The following SLC19A1 variants were observed in gnomAD, a reference collection of about 807,000 sequenced individuals.
SLC19A1 encodes the protein reduced folate transporter.
Under a neutral mutation model 35.3 loss-of-function variants are expected in SLC19A1, and 37 were observed. The observed-to-expected ratio is 1.05, with a 90% CI of 0.81 to 1.38. SLC19A1 has a LOEUF of 1.38. Among genes scored for constraint, SLC19A1 ranks in the 40% most tolerant of loss-of-function variants. SLC19A1 has a pLI of 0.00. For missense variants in SLC19A1, 831 were observed against 826.9 expected, an observed-to-expected ratio of 1.00 and a Z score of -0.06; for synonymous variants, 460 against 398.5, an observed-to-expected ratio of 1.15 and a Z score of -1.84.
At chr21:45,506,227 G>T (rs2037194190) in intron 3 of SLC19A1, 1 of 509,724 alleles carries the variant, frequency 2.0e-6, no homozygotes, top group Non-Finnish European at 3.6e-6. Context: ...ATGTCACAGT[G>T]AACGTTTACA....
chr21:45,516,267 C>A, intron 5 of SLC19A1, 127 bp from the exon 6 acceptor site: 8 of 704,092 alleles, frequency 1.1e-5, no homozygotes, highest in East Asian at 2.8e-5. Flanking sequence ...CACTGCACAG[C>A]GGTCAGAGGC....
intron 2 of SLC19A1, among the ~76,000 whole-genome samples, chr21:45,535,603 C>T (rs2078084473): frequency 6.6e-6 from 1 of 152,206 alleles, no homozygotes; most frequent in South Asian, 2.1e-4. Flanking sequence ...CCGTGGCAGG[C>T]TGCAGAGGAA....
chr21:45,556,041 C>G (rs961304827), intron 1 of SLC19A1, among the ~76,000 whole-genome samples: 6 of 152,182 alleles, frequency 3.9e-5, no homozygotes, highest in South Asian at 2.1e-4. Flanking sequence ...TCGGAGGTCA[C>G]AGGTCAAAGC....
Position 45,554,669 on chromosome 21 carries a change from T to C in SLC19A1, c.-50+8073A>G, listed in dbSNP as rs182897298. 5.5e-3 allele frequency among the ~76,000 whole-genome samples: 820 copies of C among 148,714 alleles called. 11 individuals are homozygous for C. The highest frequency in any genetic ancestry group is 0.019 in the African/African-American group (768 of 40,098). ...TTCCTTTCAGGCCGGCGATCCTTCC[T>C]GTGTGCGTCTCCACATTTTGATTTT... On this transcript the variant is annotated intron_variant, in intron 1 of 5. Transcript: ENST00000650808.
At chr21:45,558,805 T>C (rs1030759247) in intron 1 of SLC19A1, among the ~76,000 whole-genome samples, 1 of 74,568 alleles carries the variant, frequency 1.3e-5, no homozygotes, top group Non-Finnish European at 2.6e-5. Context: ...ATTTTCTTTT[T>C]CTTTTTTCTT....
chr21:45,510,575 G>A (rs2037522104), downstream of SLC19A1, among the ~76,000 whole-genome samples: 2 of 151,860 alleles, frequency 1.3e-5, no homozygotes, highest in African/African-American at 4.8e-5. Context: ...TGTCCACACA[G>A]GTGATAGGGC....
At chr21:45,506,008 C>T (rs569173102) in intron 3 of SLC19A1, 35 of 1,612,180 alleles carry the variant, frequency 2.2e-5, no homozygotes, top group East Asian at 4.5e-5. Context: ...GTGGAAGGGC[C>T]GAAGCCGCCT....
rs1290871804 is a variant in SLC19A1 at position 45,513,399 on chromosome 21, T to C, written c.*2259A>G. The C allele has an allele frequency of 6.6e-6, 1 of 152,224 alleles. No individual in the cohort carries two copies. The highest frequency in any genetic ancestry group is 1.9e-4 in the East Asian group (1 of 5,182). The allele number at this position is 152,224 out of a possible 1,614,324, so 9.4% of individuals were successfully genotyped here. On this transcript the variant is annotated 3_prime_UTR_variant, in exon 6 of 6. Coordinates refer to ENST00000311124, the MANE Select transcript of SLC19A1 (RefSeq NM_194255.4). ...TGCAGGGCAGTCATTGGCTGTCTCC[T>C]AGGAAACCCATATCCTTACCCTCCT...
chr21:45,511,082 C>CAA (rs757347047), downstream of SLC19A1: 56 of 1,091,478 alleles, frequency 5.1e-5, no homozygotes, highest in Non-Finnish European at 6.8e-5. Flanking sequence ...CCACACACCA[C>CAA]ACACACATAC....
chr21:45,509,744 C>T (rs1254218018), downstream of SLC19A1: 125 of 705,388 alleles, frequency 1.8e-4, 1 homozygote, highest in South Asian at 1.2e-3. Flanking sequence ...CCACTCAGGG[C>T]GGCTTGGCTG....
intron 1 of SLC19A1, among the ~76,000 whole-genome samples, chr21:45,561,591 T>A (rs376961791): frequency 7.9e-5 from 12 of 151,950 alleles, no homozygotes; most frequent in African/African-American, 2.9e-4. Flanking sequence ...TGAAACCCTG[T>A]CTCTACTAAA....
At chr21:45,506,009 G>C in intron 3 of SLC19A1, 2 of 1,612,246 alleles carry the variant, frequency 1.2e-6, no homozygotes, top group South Asian at 2.2e-5. Context: ...TGGAAGGGCC[G>C]AAGCCGCCTC....
At chr21:45,532,717 C>T (rs1001146501) in intron 2 of SLC19A1, among the ~76,000 whole-genome samples, 1 of 152,152 alleles carries the variant, frequency 6.6e-6, no homozygotes, top group Non-Finnish European at 1.5e-5. Flanking sequence ...TTACAGGCAC[C>T]AGCCACCACA....
chr21:45,510,491 G>C (rs2037516185), downstream of SLC19A1, among the ~76,000 whole-genome samples: 1 of 152,152 alleles, frequency 6.6e-6, no homozygotes, highest in Non-Finnish European at 1.5e-5. Context: ...CATCCCATGA[G>C]GCCCCCCCGT....
intron 1 of SLC19A1, among the ~76,000 whole-genome samples, chr21:45,554,508 A>T (rs1338022066): frequency 1.7e-4 from 4 of 24,020 alleles, no homozygotes; most frequent in Admixed American, 6.5e-4. Context: ...CTGCGCCCCC[A>T]TCCCACTTTC....
rs1238255751 is a variant in SLC19A1, at chr21:45,512,621, C to T, written c.*3037G>A. ...TGATGCTGACATTCACCTGCCCCAA[C>T]TCTCCCCTGACCTGTGAGCCCAGCT... On this transcript the variant is annotated 3_prime_UTR_variant, in exon 6 of 6. Transcript: ENST00000311124. The T allele has an allele frequency of 8.4e-6, 5 of 597,882 alleles. No individual in the cohort carries two copies. The Admixed American group carries it at 1.4e-4, about 17-fold the overall frequency. The allele number at this position is 597,882 out of a possible 1,614,324, so 37.0% of individuals were successfully genotyped here.
chr21:45,534,569 C>G lies in SLC19A1; in HGVS notation c.190-2421G>C. On this transcript the variant is annotated intron_variant, in intron 2 of 5. Coordinates refer to ENST00000311124, the MANE Select transcript of SLC19A1 (RefSeq NM_194255.4). The surrounding 1 kb of genome is among the most constrained non-coding windows in gnomAD (Gnocchi z 4.2). ...ATGAATGGAGCATGCCTCATTTCCT[C>G]TTCCACCAGGAGCTGGCTCTGCAGG... is the stretch of plus-strand genomic sequence containing the variant. 3.9e-6 allele frequency: 6 copies of G among 1,535,742 alleles called. No homozygotes were observed. Among genetic ancestry groups the G allele is most frequent in the Non-Finnish European group, 5.2e-6 (6 of 1,146,894 alleles).
intron 1 of SLC19A1, among the ~76,000 whole-genome samples, chr21:45,555,657 C>T (rs2078553382): frequency 6.6e-6 from 1 of 151,578 alleles, no homozygotes; most frequent in African/African-American, 2.4e-5. Flanking sequence ...CGGGGCGGGG[C>T]GGCCCGCGTG....
rs139870008 is a variant in SLC19A1, at chr21:45,506,542, G to A, written c.498-7930C>T. 31 of 199,308 alleles carry A rather than the reference G, an allele frequency of 1.6e-4. No homozygotes were observed. The East Asian group carries it at 3.2e-3, about 21-fold the overall frequency. 12.3% of individuals were successfully genotyped at this position (199,308 alleles called of 1,614,324 possible). Reference sequence around the variant, plus strand: ...AATGGTCTGGGTGGCAGGAGTGGCCGCTCTGATCCAGGTGGGTGCGGCCAT... The same window carrying A: ...AATGGTCTGGGTGGCAGGAGTGGCCACTCTGATCCAGGTGGGTGCGGCCAT... On this transcript the variant is annotated intron_variant, in intron 3 of 4. Transcript: ENST00000417954.
Sources: gnomAD v4.1 joint callset for allele counts (sites outside exome capture counted in the v4.1 genomes callset) on GRCh38, gnomAD v4.1.1 for gene constraint, Gnocchi (gnomAD v3.1) non-coding constraint, MANE v1.5 for transcripts, NCBI Gene and HGNC (gene_info 2026-07-23, HGNC 2026-07-21) for gene names.